The following USP32 variants were observed in gnomAD, a reference collection of about 807,000 sequenced individuals.
USP32 encodes the protein ubiquitin specific peptidase 32.
In USP32, 59 loss-of-function variants were observed where a neutral mutation model predicts 204.8. The ratio of observed to expected loss-of-function variants is 0.29; its 90% CI spans 0.23 to 0.36. The LOEUF is 0.36. USP32 is among the 10% of genes least tolerant of loss of function. USP32 has a pLI of 1.00. For synonymous variants in USP32, 517 were observed against 678.4 expected, an observed-to-expected ratio of 0.76 and a Z score of 3.70; for missense variants, 1,160 against 1,946.4, an observed-to-expected ratio of 0.60 and a Z score of 7.60.
At chr17:60,193,194 A>G (rs2145416845) in intron 27 of USP32, among the ~76,000 whole-genome samples, 1 of 152,348 alleles carries the variant, frequency 6.6e-6, no homozygotes, top group Middle Eastern at 3.4e-3. Flanking sequence ...TGGCCCATGA[A>G]AATTTTATAA....
intron 1 of USP32, among the ~76,000 whole-genome samples, chr17:60,368,094 A>G (rs912904180): frequency 6.6e-6 from 1 of 152,160 alleles, no homozygotes; most frequent in Admixed American, 6.5e-5. Context: ...CACAGACACC[A>G]AGGGACTCCT....
rs752417298 is a variant in USP32 at position 60,226,204 on chromosome 17, A to G, written c.1267T>C (p.Ser423Pro). Residue 423 changes from serine to proline, a missense_variant, in exon 13 of 34, where the codon TCA becomes CCA. By Grantham distance (74) the Ser-to-Pro change is moderately conservative. Transcript: ENST00000300896. ...YDANPVVIEP[S>P]SVLNGGKYSF... is the part of the protein sequence containing the mutation. ...TATTTTCCTCCATTCAAAACAGATGATGGCTCAATTACCACAGGGTTGGCA... is the reference window on the plus strand; with the variant it reads ...TATTTTCCTCCATTCAAAACAGATGGTGGCTCAATTACCACAGGGTTGGCA... The G allele has an allele frequency of 1.3e-6, 2 of 1,559,808 alleles. No homozygotes were observed. Among genetic ancestry groups the G allele is most frequent in the Non-Finnish European group, 1.7e-6 (2 of 1,160,498 alleles).
intron 1 of USP32, among the ~76,000 whole-genome samples, chr17:60,363,024 C>T (rs2089240426): frequency 6.6e-6 from 1 of 152,038 alleles, no homozygotes; most frequent in African/African-American, 2.4e-5. Context: ...GGCACAGTGG[C>T]TCAGGTCTAT....
At chr17:60,300,407 C>G (rs1195897710) in intron 3 of USP32, among the ~76,000 whole-genome samples, 1 of 152,122 alleles carries the variant, frequency 6.6e-6, no homozygotes, top group East Asian at 1.9e-4. Context: ...ATTATCTTCC[C>G]TTTCACATTT....
intron 1 of USP32, chr17:60,421,462 C>T (rs570063416): frequency 1.5e-5 from 15 of 985,416 alleles, no homozygotes; most frequent in Middle Eastern, 1.0e-3. Flanking sequence ...CGCACTGTCG[C>T]GAAGGCAGGC....
At chr17:60,223,674 G>T in intron 13 of USP32, 88 bp from the exon 14 acceptor site, 1 of 1,116,950 alleles carries the variant, frequency 9.0e-7, no homozygotes. Flanking sequence ...CCCATGTATT[G>T]TATTACTCTG....
chr17:60,267,767 C>A (rs948924871), intron 7 of USP32, among the ~76,000 whole-genome samples: 1 of 151,548 alleles, frequency 6.6e-6, no homozygotes, highest in African/African-American at 2.4e-5. Context: ...GATCCGCCTG[C>A]CTTGGCCTCC....
intron 1 of USP32, among the ~76,000 whole-genome samples, chr17:60,413,861 C>CAAAAAAAA (rs1307789444): frequency 6.9e-4 from 22 of 31,716 alleles, no homozygotes; most frequent in African/African-American, 2.5e-3. Flanking sequence ...GATTCTGTCT[C>CAAAAAAAA]AAAAAAAAAA....
At chr17:60,392,452 G>A (rs1200564381), upstream of USP32, 2 of 234,774 alleles carry the variant, frequency 8.5e-6, no homozygotes, top group African/African-American at 2.4e-5. Context: ...GCGACGGGGG[G>A]TGGTGACTTC....
chr17:60,347,392 C>T (rs1456773385), intron 1 of USP32, among the ~76,000 whole-genome samples: 2 of 150,242 alleles, frequency 1.3e-5, no homozygotes, highest in East Asian at 2.0e-4. Flanking sequence ...CTTGCTCTGT[C>T]GCCCAGGCAG....
chr17:60,265,468 G>A lies in USP32; in HGVS notation c.934C>T (p.His312Tyr), dbSNP rs189679828. ...DNRTDDIPELHMDLSDIVEGI... is the reference protein window; with the variant it reads ...DNRTDDIPELYMDLSDIVEGI... ...TCTACAATATCAGAGAGATCCATATGTAATTCCTTTAAAAATAACCCAAAG... is the reference window on the plus strand; with the variant it reads ...TCTACAATATCAGAGAGATCCATATATAATTCCTTTAAAAATAACCCAAAG... Residue 312 changes from histidine to tyrosine, a missense_variant, in exon 9 of 34, where the codon CAT becomes TAT. Coordinates refer to ENST00000300896, the MANE Select transcript of USP32 (RefSeq NM_032582.4). The A allele has an allele frequency of 1.9e-4, 311 of 1,597,240 alleles. No individual in the cohort carries two copies. The highest frequency in any genetic ancestry group is 2.6e-4 in the Non-Finnish European group (299 of 1,167,482).
chr17:60,274,409 T>C (rs2086795391), intron 5 of USP32, among the ~76,000 whole-genome samples: 1 of 152,148 alleles, frequency 6.6e-6, no homozygotes, highest in African/African-American at 2.4e-5. Context: ...CTAAAATTCA[T>C]GAAAACTATA....
chr17:60,183,280 C>T lies in USP32; in HGVS notation c.4008G>A (p.Arg1336=). 5 of 1,614,000 alleles carry T rather than the reference C, an allele frequency of 3.1e-6. No homozygotes were observed. The highest frequency in any genetic ancestry group is 4.2e-6 in the Non-Finnish European group (5 of 1,179,876). Residue 1336 remains arginine (R), a synonymous_variant, in exon 31 of 34, where the codon AGG becomes AGA. Coordinates refer to ENST00000300896, the MANE Select transcript of USP32 (RefSeq NM_032582.4). ...TPQGDELSEP[R]ILAREVKKVD... is the part of the protein sequence containing the mutation. ...CTTTCTTCACCTCCCTTGCCAGAAT[C>T]CTGGGCTCAGAGAGCTCATCCCCCT...
chr17:60,279,890 C>A (rs2086927408), intron 5 of USP32, among the ~76,000 whole-genome samples: 1 of 150,116 alleles, frequency 6.7e-6, no homozygotes, highest in Admixed American at 6.6e-5. Context: ...GTTTAAACAG[C>A]AAATTAGGAT....
intron 2 of USP32, 148 bp downstream of exon 2, chr17:60,345,333 C>T: frequency 1.8e-6 from 2 of 1,108,832 alleles, no homozygotes; most frequent in Non-Finnish European, 2.6e-6. Context: ...GCCACGTTGA[C>T]ATCTAAAACA....
intron 11 of USP32, chr17:60,249,856 T>A (rs1346272215): frequency 4.7e-6 from 3 of 644,908 alleles, no homozygotes; most frequent in Non-Finnish European, 5.5e-6. Flanking sequence ...CGATACTTTT[T>A]TTTTTTAACA....
chr17:60,292,977 C>G (rs912655507), intron 4 of USP32, among the ~76,000 whole-genome samples: 4 of 152,140 alleles, frequency 2.6e-5, no homozygotes, highest in Admixed American at 2.6e-4. Flanking sequence ...AAGTACACCC[C>G]CACCTCAAGG....
intron 1 of USP32, among the ~76,000 whole-genome samples, chr17:60,388,893 A>G (rs989033274): frequency 2.6e-5 from 4 of 152,206 alleles, no homozygotes; most frequent in Non-Finnish European, 5.9e-5. Context: ...AGTAAGTGTT[A>G]TCTGTCATTA....
intron 30 of USP32, among the ~76,000 whole-genome samples, chr17:60,183,930 A>G (rs1395949995): frequency 6.6e-6 from 1 of 152,176 alleles, no homozygotes. Context: ...AAATTCATCA[A>G]ACTGGATATT....
Sources: gnomAD v4.1 joint callset for allele counts (sites outside exome capture counted in the v4.1 genomes callset) on GRCh38, gnomAD v4.1.1 for gene constraint, MANE v1.5 for transcripts, NCBI Gene and HGNC (gene_info 2026-07-23, HGNC 2026-07-21) for gene names.